CSMD1: variants seen among roughly 807,000 people sequenced by gnomAD.
CSMD1 encodes the protein CUB and sushi domain-containing protein 1.
CSMD1 carries 213 observed loss-of-function variants against 417.5 expected under a neutral mutation model. The observed-to-expected ratio is 0.51, with a 90% confidence interval of 0.46 to 0.57. CSMD1 has a LOEUF of 0.57. Among genes scored for constraint, CSMD1 ranks in the 20% least tolerant of loss-of-function variants. The pLI, the probability that CSMD1 is intolerant of heterozygous loss-of-function variation, is 0.00. For synonymous variants in CSMD1, 2,862 were observed against 1,736.8 expected, an observed-to-expected ratio of 1.65 and a Z score of -16.11; for missense variants, 6,923 against 4,529.7, an observed-to-expected ratio of 1.53 and a Z score of -15.17.
At chr8:3,705,206 G>A (rs1249691840) in intron 7 of CSMD1, among the ~76,000 whole-genome samples, 1 of 152,164 alleles carries the variant, frequency 6.6e-6, no homozygotes, top group Non-Finnish European at 1.5e-5. Context: ...TTTCTGCACT[G>A]AAGGCAACAA....
At chr8:4,511,666 C>A (rs1195380076) in intron 2 of CSMD1, among the ~76,000 whole-genome samples, 1 of 152,142 alleles carries the variant, frequency 6.6e-6, no homozygotes, top group African/African-American at 2.4e-5. Flanking sequence ...AAGCACAAAG[C>A]TCCAGAGTGG....
intron 1 of CSMD1, among the ~76,000 whole-genome samples, chr8:4,943,161 C>G (rs1808131788): frequency 6.6e-6 from 1 of 152,116 alleles, no homozygotes; most frequent in African/African-American, 2.4e-5. Flanking sequence ...TTAGTAAGGT[C>G]TTCATTATGT....
chr8:4,957,513 T>A (rs1451608524), intron 1 of CSMD1, among the ~76,000 whole-genome samples: 3 of 152,200 alleles, frequency 2.0e-5, no homozygotes, highest in Admixed American at 6.5e-5. Flanking sequence ...CTACTTCTTA[T>A]CAACTTTTCT....
Position 4,022,883 on chromosome 8 carries a change from G to C in CSMD1, c.610+9022C>G, listed in dbSNP as rs762991166. On this transcript the variant is annotated intron_variant, in intron 4 of 69. Transcript: ENST00000635120. Reference sequence around the variant, plus strand: ...CAAGAATTCACATAGTTAAGAAGCAGAAAATACATGGATTATTGTGATGAA... The same window carrying C: ...CAAGAATTCACATAGTTAAGAAGCACAAAATACATGGATTATTGTGATGAA... Among the ~76,000 whole-genome samples, 53 of 152,308 alleles carry C rather than the reference G, an allele frequency of 3.5e-4. 2 individuals carry two copies. The Middle Eastern group carries it at 0.02, about 59-fold the overall frequency.
At chr8:4,065,791 A>G (rs1218680256) in intron 3 of CSMD1, among the ~76,000 whole-genome samples, 1 of 152,234 alleles carries the variant, frequency 6.6e-6, no homozygotes, top group African/African-American at 2.4e-5. Flanking sequence ...TAAGAATTCC[A>G]GAAAATAACT....
intron 4 of CSMD1, among the ~76,000 whole-genome samples, chr8:3,999,719 C>G (rs755541551): frequency 6.6e-5 from 10 of 152,164 alleles, no homozygotes; most frequent in Admixed American, 3.9e-4. Context: ...ATGCTAATGG[C>G]AGCTTTAGAA....
chr8:2,984,820 C>T (rs1040591955), intron 54 of CSMD1, among the ~76,000 whole-genome samples: 4 of 152,258 alleles, frequency 2.6e-5, no homozygotes, highest in East Asian at 1.9e-4. Context: ...ATCGTCCATA[C>T]CACCATCGAC....
chr8:3,029,202 T>C (rs948226778), intron 51 of CSMD1, 117 bp downstream of exon 51: 5 of 714,222 alleles, frequency 7.0e-6, no homozygotes, highest in Non-Finnish European at 1.1e-5. Flanking sequence ...ATTTGTTCTT[T>C]TGATCTATAG....
chr8:3,852,981 A>C (rs1438781497), intron 5 of CSMD1, among the ~76,000 whole-genome samples: 2 of 152,108 alleles, frequency 1.3e-5, no homozygotes, highest in Admixed American at 6.6e-5. Context: ...AAGGCTCCCC[A>C]AGAGTGTTCT....
chr8:3,672,598 G>C (rs375160742), intron 7 of CSMD1, among the ~76,000 whole-genome samples: 8 of 152,260 alleles, frequency 5.3e-5, no homozygotes, highest in East Asian at 1.9e-4. Context: ...GTTTACATTT[G>C]GCCATTGTCT....
At chr8:3,695,098 G>GTGTGTGTGTGTGTA (rs1800473992) in intron 7 of CSMD1, among the ~76,000 whole-genome samples, 1 of 151,502 alleles carries the variant, frequency 6.6e-6, no homozygotes, top group African/African-American at 2.4e-5. Flanking sequence ...GTGTGTGTGT[G>GTGTGTGTGTGTGTA]TGTGTGTGTG....
At chr8:2,999,134 T>C (rs957505126) in intron 53 of CSMD1, among the ~76,000 whole-genome samples, 2 of 149,972 alleles carry the variant, frequency 1.3e-5, no homozygotes, top group African/African-American at 4.9e-5. Context: ...CATGTAATTT[T>C]ACCTCTTTCT....
chr8:4,118,266 T>C (rs1199721985), intron 3 of CSMD1, among the ~76,000 whole-genome samples: 1 of 152,132 alleles, frequency 6.6e-6, no homozygotes, highest in Non-Finnish European at 1.5e-5. Context: ...AACATGCCCT[T>C]AAGAAATGCT....
intron 11 of CSMD1, among the ~76,000 whole-genome samples, chr8:3,488,848 A>T (rs1431623158): frequency 2.6e-5 from 4 of 152,316 alleles, no homozygotes; most frequent in Non-Finnish European, 5.9e-5. Context: ...ACAGAAAAAT[A>T]ATTGGGATCA....
intron 1 of CSMD1, among the ~76,000 whole-genome samples, chr8:4,712,239 T>G (rs1051981283): frequency 6.6e-6 from 1 of 152,202 alleles, no homozygotes; most frequent in Non-Finnish European, 1.5e-5. Context: ...TCAGTGCAAA[T>G]AGCATCATTC....
At chr8:4,274,664 A>C (rs1163239104) in intron 3 of CSMD1, among the ~76,000 whole-genome samples, 1 of 152,124 alleles carries the variant, frequency 6.6e-6, no homozygotes, top group Non-Finnish European at 1.5e-5. Flanking sequence ...AATTTACTTA[A>C]AATAAAATTA....
At chr8:4,208,898 T>G (rs1239367575) in intron 3 of CSMD1, among the ~76,000 whole-genome samples, 2 of 152,192 alleles carry the variant, frequency 1.3e-5, no homozygotes, top group African/African-American at 2.4e-5. Flanking sequence ...TTTCTTAAAT[T>G]TCTTTTTATA....
Position 4,446,041 on chromosome 8 carries a change from G to A in CSMD1, c.303-25976C>T, listed in dbSNP as rs114952288. On this transcript the variant is annotated intron_variant, in intron 2 of 69. Transcript: ENST00000635120. ...TGCCAACTCTTAGGAACTTGACACA[G>A]CCCAAGAAGAGGAGACGAGGCTGTT... 1.6e-3 allele frequency among the ~76,000 whole-genome samples: 251 copies of A among 152,292 alleles called. 1 individual carries two copies. Among genetic ancestry groups the A allele is most frequent in the African/African-American group, 5.8e-3 (242 of 41,562 alleles).
At chr8:4,585,703 T>A (rs138156925) in intron 2 of CSMD1, among the ~76,000 whole-genome samples, 138 of 152,282 alleles carry the variant, frequency 9.1e-4, no homozygotes, top group African/African-American at 3.3e-3. Flanking sequence ...AGGTAATGAA[T>A]GCTGTCTTTA....
Sources: allele counts gnomAD v4.1 joint callset (sites outside exome capture counted in the v4.1 genomes callset), GRCh38; gene constraint gnomAD v4.1.1; transcripts MANE v1.5; gene names NCBI Gene and HGNC (gene_info 2026-07-23, HGNC 2026-07-21).